The following PICALM variants were observed in gnomAD, a reference collection of about 807,000 sequenced individuals.
The protein encoded by PICALM is phosphatidylinositol-binding clathrin assembly protein.
Under a neutral mutation model 80.5 loss-of-function variants are expected in PICALM, and 40 were observed. The ratio of observed to expected loss-of-function variants is 0.50; its 90% CI spans 0.39 to 0.65. The LOEUF is 0.65. Among genes scored for constraint, PICALM ranks in the 30% least tolerant of loss-of-function variants. The pLI is 0.00. For missense variants in PICALM, 676 were observed against 778.9 expected (o/e 0.87, Z 1.57); for synonymous variants, 288 against 260.3 (o/e 1.11, Z -1.02).
chr11:85,969,899 T>C (rs1163071925), intron 19 of PICALM, among the ~76,000 whole-genome samples: 1 of 152,226 alleles, frequency 6.6e-6, no homozygotes, highest in Admixed American at 6.5e-5. Flanking sequence ...GTGAGCCGTC[T>C]AATGTTTTAG....
intron 4 of PICALM, among the ~76,000 whole-genome samples, chr11:86,018,246 T>G (rs2095510536): frequency 6.6e-6 from 1 of 152,126 alleles, no homozygotes; most frequent in South Asian, 2.1e-4. Flanking sequence ...ATAAAACAAG[T>G]ATGGCATTCA....
intron 1 of PICALM, among the ~76,000 whole-genome samples, chr11:86,052,289 A>G (rs2096202607): frequency 6.6e-6 from 1 of 152,186 alleles, no homozygotes; most frequent in African/African-American, 2.4e-5. Context: ...AAGTTTCCTG[A>G]GGTCTCCCTG....
At chr11:85,964,132 C>T (rs867467885) in intron 19 of PICALM, among the ~76,000 whole-genome samples, 1 of 151,988 alleles carries the variant, frequency 6.6e-6, no homozygotes, top group African/African-American at 2.4e-5. Context: ...AACAAGAAAA[C>T]ATCAACAATC....
chr11:85,965,860 A>G (rs1592312672), intron 19 of PICALM, among the ~76,000 whole-genome samples: 1 of 119,376 alleles, frequency 8.4e-6, no homozygotes, highest in South Asian at 2.9e-4. Flanking sequence ...TCTGTCGCCC[A>G]GGCTGGAGTA....
chr11:85,997,301 T>C (rs1431567796), intron 11 of PICALM, among the ~76,000 whole-genome samples: 1 of 152,208 alleles, frequency 6.6e-6, no homozygotes, highest in East Asian at 1.9e-4. Context: ...ACTTTTAATA[T>C]TCACAGAACT....
intron 12 of PICALM, among the ~76,000 whole-genome samples, chr11:85,995,795 TTCTTAA>T (rs2094940642): frequency 1.3e-5 from 2 of 152,162 alleles, no homozygotes; most frequent in South Asian, 4.1e-4. Context: ...AGAAACTGCT[TTCTTAA>T]TCTTAATTTA....
At chr11:85,969,213 C>T (rs2094015816) in intron 19 of PICALM, among the ~76,000 whole-genome samples, 1 of 152,126 alleles carries the variant, frequency 6.6e-6, no homozygotes, top group African/African-American at 2.4e-5. Flanking sequence ...GAATGTCTCA[C>T]TAAATGGCAA....
chr11:86,003,430 C>T lies in PICALM; in HGVS notation c.829G>A (p.Ala277Thr). Reference protein sequence around the residue: ...LSQAPSSLLDALEQHLASLEG... With the variant: ...LSQAPSSLLDTLEQHLASLEG... ...AAGGAAGCTAAATGTTGTTCCAAAG[C>T]ATCAAGAAGACTGCTAGGGGCCTGC... The change falls in exon 9 of 20, where the codon GCT (alanine) becomes ACT (threonine). Residue 277 changes from alanine to threonine, a missense_variant. Around this residue, in one of 2 missense-constraint regions of PICALM, gnomAD observed 285 missense variants for 395.4 expected, o/e 0.72. Transcript: ENST00000393346. The T allele has an allele frequency of 6.3e-7, 1 of 1,598,052 alleles. No individual in the cohort carries two copies.
intron 1 of PICALM, among the ~76,000 whole-genome samples, chr11:86,042,618 TACTA>T (rs915866926): frequency 2.0e-5 from 3 of 149,436 alleles, no homozygotes; most frequent in Non-Finnish European, 4.4e-5. Context: ...GCTAAGAACT[TACTA>T]ACTGTTCGTT....
At chr11:85,986,365 A>ATTTTTTTTTTTTTTTTT (rs775072780) in intron 13 of PICALM, among the ~76,000 whole-genome samples, 17 of 73,746 alleles carry the variant, frequency 2.3e-4, no homozygotes, top group African/African-American at 2.8e-4. Flanking sequence ...CCAACTTTTA[A>ATTTTTTTTTTTTTTTTT]TTTTTTTTTT....
intron 17 of PICALM, among the ~76,000 whole-genome samples, chr11:85,980,338 C>A (rs984043692): frequency 6.6e-6 from 1 of 152,154 alleles, no homozygotes; most frequent in Non-Finnish European, 1.5e-5. Context: ...CCAGTTAGTG[C>A]GACAGCCTTA....
intron 19 of PICALM, among the ~76,000 whole-genome samples, chr11:85,968,703 C>T (rs112465018): frequency 6.6e-6 from 1 of 152,068 alleles, no homozygotes; most frequent in African/African-American, 2.4e-5. Context: ...AGTCCCCTTT[C>T]CAGACACACT....
intron 9 of PICALM, among the ~76,000 whole-genome samples, chr11:86,001,389 T>C (rs755794584): frequency 1.4e-4 from 21 of 152,168 alleles, no homozygotes; most frequent in Non-Finnish European, 2.1e-4. Context: ...GAGTAAGTGT[T>C]TGACTTTGGA....
intron 13 of PICALM, among the ~76,000 whole-genome samples, chr11:85,986,858 T>C (rs929408331): frequency 6.6e-6 from 1 of 152,220 alleles, no homozygotes; most frequent in Admixed American, 6.5e-5. Context: ...TATGATATCA[T>C]TACATTGTCC....
chr11:85,974,887 C>A (rs756578707), intron 18 of PICALM, 75 bp from the exon 19 acceptor site: 11 of 968,032 alleles, frequency 1.1e-5, no homozygotes, highest in South Asian at 2.6e-5. Context: ...ACAATGACAA[C>A]AGGGATGACA....
At chr11:86,049,511 G>C (rs1204991796) in intron 1 of PICALM, among the ~76,000 whole-genome samples, 2 of 152,032 alleles carry the variant, frequency 1.3e-5, no homozygotes, top group African/African-American at 4.8e-5. Flanking sequence ...AATAAAGCCA[G>C]TAACTGTTAA....
chr11:86,024,269 G>C (rs912805018), intron 3 of PICALM, among the ~76,000 whole-genome samples: 3 of 151,194 alleles, frequency 2.0e-5, no homozygotes, highest in South Asian at 2.1e-4. Flanking sequence ...AATGCATTTT[G>C]TAACAATGGG....
chr11:86,030,986 C>T (rs2095741644), intron 2 of PICALM, among the ~76,000 whole-genome samples: 1 of 152,074 alleles, frequency 6.6e-6, no homozygotes, highest in African/African-American at 2.4e-5. Flanking sequence ...GGCATGGTAG[C>T]ACACACTTGT....
intron 19 of PICALM, among the ~76,000 whole-genome samples, chr11:85,968,314 A>ACAAC (rs2093978216): frequency 6.6e-6 from 1 of 152,170 alleles, no homozygotes; most frequent in African/African-American, 2.4e-5. Flanking sequence ...AAACAAACAA[A>ACAAC]AACAACAAAA....
Sources: gnomAD v4.1 joint callset for allele counts (sites outside exome capture counted in the v4.1 genomes callset) on GRCh38, gnomAD v4.1.1 for gene constraint, gnomAD v4.1.1 regional missense constraint, MANE v1.5 for transcripts, NCBI Gene and HGNC (gene_info 2026-07-23, HGNC 2026-07-21) for gene names.